The following SMG6 variants were observed in gnomAD, a reference collection of about 807,000 sequenced individuals.
SMG6 encodes telomerase-binding protein EST1A.
SMG6 carries 66 observed loss-of-function variants against 142.2 expected under a neutral mutation model. The observed-to-expected ratio is 0.46, with a 90% CI of 0.38 to 0.57. The LOEUF is 0.57. Ranked by LOEUF, SMG6 falls within the 20% of genes least tolerant of loss-of-function variation. The pLI, the probability that SMG6 is intolerant of heterozygous loss-of-function variation, is 0.00. For missense variants in SMG6, 1,793 were observed against 1,832.0 expected, an observed-to-expected ratio of 0.98 and a Z score of 0.39; for synonymous variants, 779 against 702.4, an observed-to-expected ratio of 1.11 and a Z score of -1.72.
At chr17:2,222,971 T>C (rs1157951719) in intron 10 of SMG6, among the ~76,000 whole-genome samples, 1 of 151,698 alleles carries the variant, frequency 6.6e-6, no homozygotes, top group African/African-American at 2.4e-5. Context: ...AGGGGAGAGG[T>C]GAAAAGAGGT....
intron 13 of SMG6, chr17:2,088,000 G>A (rs1399565723): frequency 1.0e-6 from 1 of 985,856 alleles, no homozygotes; most frequent in Non-Finnish European, 1.2e-6. Flanking sequence ...TTCTTGGTGT[G>A]AGGCTGCTGC....
chr17:2,237,612 G>A (rs1312786460), intron 9 of SMG6: 3 of 961,392 alleles, frequency 3.1e-6, no homozygotes, highest in Non-Finnish European at 3.7e-6. Flanking sequence ...GAATGCCCTG[G>A]CCAAGTGCCA....
Position 2,292,937 on chromosome 17 carries a change from C to T in SMG6, c.2192G>A (p.Cys731Tyr). 1.9e-6 allele frequency: 3 copies of T among 1,614,126 alleles called. No individual in the cohort carries two copies. Among genetic ancestry groups the T allele is most frequent in the Non-Finnish European group, 1.7e-6 (2 of 1,179,990 alleles). Residue 731 changes from cysteine to tyrosine, a missense_variant, in exon 5 of 19, where the codon TGC becomes TAC. Physicochemically the swap from Cys to Tyr is radical, Grantham distance 194. Transcript: ENST00000263073. ...CCGGTACCTAGCAATATCTCCTTGG[C>T]ATATCATGCATCGCTGGGCACTGAT... ...ALISAQRCMI[C>Y]QGDIARYREQ...
intron 13 of SMG6, among the ~76,000 whole-genome samples, chr17:2,126,931 C>CA (rs1294925315): frequency 6.6e-6 from 1 of 151,748 alleles, no homozygotes; most frequent in Non-Finnish European, 1.5e-5. Context: ...AACATACATG[C>CA]ACACATGCGC....
At chr17:2,269,071 G>A (rs1041196073) in intron 8 of SMG6, among the ~76,000 whole-genome samples, 1 of 151,728 alleles carries the variant, frequency 6.6e-6, no homozygotes, top group African/African-American at 2.4e-5. Flanking sequence ...GGGCATGTTG[G>A]CAGGCGCCTG....
At chr17:2,129,127 C>T (rs536255744) in intron 13 of SMG6, among the ~76,000 whole-genome samples, 106 of 152,102 alleles carry the variant, frequency 7.0e-4, no homozygotes, top group Admixed American at 1.3e-3. Flanking sequence ...GCAGGCGGAT[C>T]GCTTGAGCCC....
chr17:2,095,311 T>A (rs1251585496), intron 13 of SMG6, among the ~76,000 whole-genome samples: 1 of 152,238 alleles, frequency 6.6e-6, no homozygotes, highest in Non-Finnish European at 1.5e-5. Flanking sequence ...TGAACCACAC[T>A]GTTTGCCTTC....
intron 8 of SMG6, among the ~76,000 whole-genome samples, chr17:2,258,826 T>C (rs112584549): frequency 6.8e-6 from 1 of 147,268 alleles, no homozygotes; most frequent in South Asian, 2.1e-4. Flanking sequence ...ACTGGCGCGA[T>C]GGCTCACACC....
At chr17:2,141,481 A>C (rs1256327323) in intron 13 of SMG6, among the ~76,000 whole-genome samples, 3 of 152,182 alleles carry the variant, frequency 2.0e-5, no homozygotes, top group Non-Finnish European at 4.4e-5. Context: ...TTGCTCTGTC[A>C]CCCAGGCTGG....
intron 6 of SMG6, among the ~76,000 whole-genome samples, chr17:2,286,707 G>A (rs1228056949): frequency 6.6e-6 from 1 of 152,040 alleles, no homozygotes; most frequent in Non-Finnish European, 1.5e-5. Flanking sequence ...TGGTTTCATA[G>A]CTATGACATC....
intron 13 of SMG6, among the ~76,000 whole-genome samples, chr17:2,123,525 A>C (rs944543434): frequency 6.6e-6 from 1 of 152,192 alleles, no homozygotes. Context: ...TGATGAATTA[A>C]ATCTTGGCAA....
At chr17:2,277,307 C>T (rs1273017084) in intron 8 of SMG6, among the ~76,000 whole-genome samples, 1 of 151,828 alleles carries the variant, frequency 6.6e-6, no homozygotes, top group East Asian at 1.9e-4. Flanking sequence ...GCTGGGACTA[C>T]AGGTGCCTGC....
In SMG6 at chr17:2,274,072, T is replaced by C. The variant is rs544006415; in HGVS notation, c.2661+8575A>G. Reference sequence around the variant, plus strand: ...CCCACAGGCCAAATTCAATCCACCATCTGTCTTTGTAAATAAAGTTTTAAT... The same window carrying C: ...CCCACAGGCCAAATTCAATCCACCACCTGTCTTTGTAAATAAAGTTTTAAT... On this transcript the variant is annotated intron_variant, in intron 8 of 18. Coordinates refer to ENST00000263073, the MANE Select transcript of SMG6 (RefSeq NM_017575.5). Among the ~76,000 whole-genome samples the C allele has an allele frequency of 5.3e-5, 8 of 152,366 alleles. No individual in the cohort carries two copies. The South Asian group carries it at 1.0e-3, about 20-fold the overall frequency.
At chr17:2,220,832 A>C (rs1248135569) in intron 10 of SMG6, among the ~76,000 whole-genome samples, 1 of 152,200 alleles carries the variant, frequency 6.6e-6, no homozygotes, top group Non-Finnish European at 1.5e-5. Flanking sequence ...AACTCCTTGA[A>C]TATTTATACA....
At chr17:2,062,101 C>T (rs1171454036) in intron 18 of SMG6, 1 of 157,026 alleles carries the variant, frequency 6.4e-6, no homozygotes, top group African/African-American at 2.4e-5. Context: ...AAAATGTATC[C>T]AGGGTTTTCC....
intron 10 of SMG6, among the ~76,000 whole-genome samples, chr17:2,207,123 A>C (rs1049583918): frequency 8.1e-5 from 12 of 149,026 alleles, no homozygotes; most frequent in African/African-American, 2.4e-4. Context: ...AATCCAAAAA[A>C]AAAAAAAAAA....
At chr17:2,199,525 A>AC (rs1401816411) in intron 10 of SMG6, among the ~76,000 whole-genome samples, 1 of 151,810 alleles carries the variant, frequency 6.6e-6, no homozygotes, top group Non-Finnish European at 1.5e-5. Context: ...TGGGTGACAG[A>AC]CCAAGACCCT....
intron 13 of SMG6, among the ~76,000 whole-genome samples, chr17:2,136,725 T>C (rs938759485): frequency 4.5e-4 from 69 of 152,030 alleles, no homozygotes; most frequent in Non-Finnish European, 8.8e-5. Flanking sequence ...CTCACCTTTT[T>C]TTCCTTTTTT....
intron 8 of SMG6, among the ~76,000 whole-genome samples, chr17:2,245,692 T>C (rs1848945890): frequency 6.6e-6 from 1 of 152,004 alleles, no homozygotes; most frequent in Admixed American, 6.6e-5. Context: ...GCATGTTTTG[T>C]TGTTTTGAGA....
Sources: gnomAD v4.1 joint callset for allele counts (sites outside exome capture counted in the v4.1 genomes callset) on GRCh38, gnomAD v4.1.1 for gene constraint, MANE v1.5 for transcripts, NCBI Gene and HGNC (gene_info 2026-07-23, HGNC 2026-07-21) for gene names.